Variants in ITPK1 observed in about 807,000 individuals in gnomAD.
ITPK1 encodes the protein inositol-tetrakisphosphate 1-kinase.
ITPK1 carries 21 observed loss-of-function variants against 45.3 expected under a neutral mutation model. That is an observed-to-expected ratio of 0.46 (90% CI 0.33 to 0.67). The LOEUF (loss-of-function observed/expected upper bound fraction) is 0.67. Among genes scored for constraint, ITPK1 ranks in the 30% least tolerant of loss-of-function variants. The pLI, the probability that ITPK1 is intolerant of heterozygous loss-of-function variation, is 0.02. For synonymous variants in ITPK1, 258 were observed against 253.6 expected (o/e 1.02, Z -0.16); for missense variants, 474 against 573.5 (o/e 0.83, Z 1.77).
intron 3 of ITPK1, among the ~76,000 whole-genome samples, chr14:93,053,063 C>CA (rs1407089120): frequency 1.3e-5 from 2 of 151,760 alleles, no homozygotes; most frequent in Non-Finnish European, 2.9e-5. Context: ...ACCAACATGG[C>CA]ACATGTATAC....
chr14:92,941,981 GAACC>G, intron 10 of ITPK1, 77 bp from the exon 11 acceptor site: 1 of 1,254,304 alleles, frequency 8.0e-7, no homozygotes, highest in Non-Finnish European at 1.1e-6. Flanking sequence ...GGAGGAGGCA[GAACC>G]GATGGGCTCC....
At chr14:92,967,151 A>T (rs1453983587) in intron 5 of ITPK1, among the ~76,000 whole-genome samples, 1 of 152,238 alleles carries the variant, frequency 6.6e-6, no homozygotes, top group Non-Finnish European at 1.5e-5. Context: ...ACATAAAGAC[A>T]ACCCACAGAA....
Position 92,993,952 on chromosome 14 carries a change from G to A in ITPK1, c.292C>T (p.Pro98Ser), listed in dbSNP as rs1448615819. Residue 98 changes from proline to serine, a missense_variant, in exon 5 of 11, where the codon CCT becomes TCT. Around this residue, in one of 2 missense-constraint regions of ITPK1, gnomAD observed 367 missense variants for 480.6 expected, o/e 0.76. Transcript: ENST00000267615. ...HPETIVLDPL[P>S]AIRTLLDRSK... The stretch of plus-strand genomic sequence containing the variant: ...CGGTCAAGCAGGGTTCTGATGGCAG[G>A]GAGCGGGTCCAGGACGATGGTCTCA... 2 of 1,613,934 alleles carry A rather than the reference G, an allele frequency of 1.2e-6. No homozygotes were observed. Among genetic ancestry groups the A allele is most frequent in the South Asian group, 1.1e-5 (1 of 91,078 alleles).
At chr14:93,091,028 C>T (rs1217956376) in intron 2 of ITPK1, among the ~76,000 whole-genome samples, 1 of 152,164 alleles carries the variant, frequency 6.6e-6, no homozygotes, top group Non-Finnish European at 1.5e-5. Context: ...AGCCAAGGGC[C>T]AGTGGTCCCT....
intron 3 of ITPK1, among the ~76,000 whole-genome samples, chr14:93,075,467 C>G (rs975409372): frequency 1.3e-5 from 2 of 151,896 alleles, no homozygotes; most frequent in African/African-American, 2.4e-5. Flanking sequence ...AAACTACCTC[C>G]TTACCCCAAA....
chr14:92,978,507 C>T (rs1289739348), intron 5 of ITPK1, among the ~76,000 whole-genome samples: 1 of 151,940 alleles, frequency 6.6e-6, no homozygotes, highest in Non-Finnish European at 1.5e-5. Context: ...TTTCAGAGAC[C>T]TTCACAGCAG....
At chr14:93,025,174 G>A (rs528364165) in intron 3 of ITPK1, among the ~76,000 whole-genome samples, 15 of 152,028 alleles carry the variant, frequency 9.9e-5, no homozygotes, top group African/African-American at 2.4e-4. Context: ...GCCGGCCACC[G>A]ACACAGCACA....
chr14:93,003,696 C>A (rs953945526), intron 4 of ITPK1, among the ~76,000 whole-genome samples: 1 of 152,204 alleles, frequency 6.6e-6, no homozygotes, highest in Non-Finnish European at 1.5e-5. Context: ...ATGTAACAGT[C>A]CTGACAGTCA....
intron 4 of ITPK1, among the ~76,000 whole-genome samples, chr14:92,999,908 G>A (rs767365763): frequency 2.0e-5 from 3 of 152,142 alleles, no homozygotes; most frequent in Non-Finnish European, 4.4e-5. Context: ...TTCACTCTCA[G>A]CCCCAAGTCC....
intron 10 of ITPK1, among the ~76,000 whole-genome samples, chr14:92,943,232 C>G (rs956566101): frequency 6.6e-6 from 1 of 152,228 alleles, no homozygotes; most frequent in African/African-American, 2.4e-5. Flanking sequence ...TTAACCACCA[C>G]GGGGAGGGCA....
At chr14:93,047,265 A>T (rs1889817100) in intron 3 of ITPK1, among the ~76,000 whole-genome samples, 1 of 152,242 alleles carries the variant, frequency 6.6e-6, no homozygotes, top group African/African-American at 2.4e-5. Flanking sequence ...TGGGGTGGGC[A>T]AGTGATACAG....
rs940694317 is a variant in ITPK1, at chr14:92,940,791, G to T, written c.*770C>A. The T allele has an allele frequency of 1.6e-6, 2 of 1,288,070 alleles. No homozygotes were observed. The highest frequency in any genetic ancestry group is 2.0e-6 in the Non-Finnish European group (2 of 988,170). 79.8% of individuals were successfully genotyped at this position (1,288,070 alleles called of 1,614,324 possible). On this transcript the variant is annotated 3_prime_UTR_variant, in exon 11 of 11. Transcript: ENST00000267615. Reference sequence around the variant, plus strand: ...CAAATCCTCAGCACAGGCGCCATCGGCTCGGGCCTCCAGCCAGGCAGCCTC... The same window carrying T: ...CAAATCCTCAGCACAGGCGCCATCGTCTCGGGCCTCCAGCCAGGCAGCCTC...
chr14:93,095,552 G>A (rs75421488), intron 2 of ITPK1, among the ~76,000 whole-genome samples: 7,289 of 150,876 alleles, frequency 0.048, 320 homozygotes, highest in African/African-American at 0.1. Flanking sequence ...TTTTAAAAGG[G>A]TCACCTAGAG....
rs538054519 is a variant in ITPK1 at position 92,940,961 on chromosome 14, C to T, written c.*600G>A. The T allele has an allele frequency of 1.7e-4, 213 of 1,286,214 alleles. No homozygotes were observed. The highest frequency in any genetic ancestry group is 1.3e-3 in the South Asian group (103 of 80,794). The allele number at this position is 1,286,214 out of a possible 1,614,324, so 79.7% of individuals were successfully genotyped here. A position where few individuals can be genotyped will look rare whatever the true frequency, so the allele number is the denominator to read the frequency against. ...TGAGGGAGCACAGCCCAGACCCCAG[C>T]GCGGAACTCCCCTGAGGGGTCTGTG... On this transcript the variant is annotated 3_prime_UTR_variant, in exon 11 of 11. Transcript: ENST00000267615.
intron 8 of ITPK1, among the ~76,000 whole-genome samples, chr14:92,957,077 TGA>T (rs1884774623): frequency 6.6e-6 from 1 of 152,220 alleles, no homozygotes; most frequent in South Asian, 2.1e-4. Flanking sequence ...GAAGAAGGGC[TGA>T]GAGGGCAACC....
chr14:93,084,188 C>G (rs1891560758), intron 2 of ITPK1, among the ~76,000 whole-genome samples: 1 of 152,246 alleles, frequency 6.6e-6, no homozygotes, highest in Non-Finnish European at 1.5e-5. Context: ...AGACCCGCCA[C>G]CTGGAAACAA....
intron 3 of ITPK1, among the ~76,000 whole-genome samples, chr14:93,074,544 G>C (rs111376544): frequency 1.8e-3 from 275 of 152,336 alleles, no homozygotes; most frequent in African/African-American, 6.2e-3. Flanking sequence ...CTCTCAGGCA[G>C]TGTGTTTGCT....
chr14:93,004,038 C>T (rs73332148), intron 4 of ITPK1, among the ~76,000 whole-genome samples: 3,893 of 152,328 alleles, frequency 0.026, 175 homozygotes, highest in African/African-American at 0.089. Flanking sequence ...GGCCCCTGAA[C>T]GGAGCCAGAT....
At chr14:93,097,225 A>C (rs577494958) in intron 2 of ITPK1, among the ~76,000 whole-genome samples, 2 of 152,290 alleles carry the variant, frequency 1.3e-5, no homozygotes, top group East Asian at 3.9e-4. Context: ...GGCCCTTTGC[A>C]ATGACTTTGA....
Sources: gnomAD v4.1 joint callset for allele counts (sites outside exome capture counted in the v4.1 genomes callset) on GRCh38, gnomAD v4.1.1 for gene constraint, gnomAD v4.1.1 regional missense constraint, MANE v1.5 for transcripts, NCBI Gene and HGNC (gene_info 2026-07-23, HGNC 2026-07-21) for gene names.